C11orf21: variants seen among roughly 807,000 people sequenced by gnomAD.
C11orf21 encodes the protein chromosome 11 open reading frame 21, also known as uncharacterized protein C11orf21.
C11orf21 carries 19 observed loss-of-function variants against 15.2 expected under a neutral mutation model. The ratio of observed to expected loss-of-function variants is 1.25; its 90% confidence interval spans 0.87 to 1.84. The LOEUF (loss-of-function observed/expected upper bound fraction) is 1.84, where lower values mean the gene tolerates loss of function less well. Ranked by LOEUF, C11orf21 falls within the 40% of genes most tolerant of loss-of-function variation. The probability of loss-of-function intolerance (pLI) is 0.00; values close to 1 mark genes in which losing one functional copy is unlikely to be tolerated. For synonymous variants in C11orf21, 62 were observed against 66.8 expected, an observed-to-expected ratio of 0.93 and a Z score of 0.35; for missense variants, 171 against 174.4, an observed-to-expected ratio of 0.98 and a Z score of 0.11.
intron 3 of C11orf21, among the ~76,000 whole-genome samples, chr11:2,298,802 T>C (rs541769664): frequency 6.6e-6 from 1 of 152,080 alleles, no homozygotes; most frequent in East Asian, 1.9e-4. Context: ...GGGGTCCCTT[T>C]AGACTCCCCT....
chr11:2,301,812 T>A lies in C11orf21; in HGVS notation c.-4A>T, dbSNP rs766454315. 2.9e-5 allele frequency: 45 copies of A among 1,550,666 alleles called. No individual in the cohort carries two copies. The highest frequency in any genetic ancestry group is 3.8e-5 in the Non-Finnish European group (44 of 1,146,924). On this transcript the variant is annotated 5_prime_UTR_variant, in exon 1 of 4. In the 5' UTR this introduces an upstream ATG that the reference lacks. Coordinates refer to ENST00000381153, the MANE Select transcript of C11orf21 (RefSeq NM_001329958.2). ...TCCCACACCAGGTCCTGCCCATGAC[T>A]TTCCCCCTCTCAGCGCCGTCCTCAG...
chr11:2,301,726 A>T (rs2133276214), intron 1 of C11orf21, 30 bp downstream of exon 1: 1 of 1,532,738 alleles, frequency 6.5e-7, no homozygotes, highest in Non-Finnish European at 8.8e-7. Flanking sequence ...CCCAGTCCAC[A>T]CTTGCTCACT....
chr11:2,298,443 C>T (rs1847582012), intron 3 of C11orf21, among the ~76,000 whole-genome samples: 1 of 152,216 alleles, frequency 6.6e-6, no homozygotes, highest in Admixed American at 6.5e-5. Context: ...AGGAATGGGG[C>T]AGGAAGCTTC....
chr11:2,297,948 G>A (rs1847567597), intron 3 of C11orf21, 27 bp from the exon 4 acceptor site: 2 of 152,222 alleles, frequency 1.3e-5, no homozygotes, highest in African/African-American at 2.4e-5. Flanking sequence ...GAGAGAGAGA[G>A]AGAAGAGGGA....
chr11:2,299,855 CGCATCCATGCCTGCACAT>C, intron 2 of C11orf21, 148 bp from the exon 3 acceptor site: 4 of 809,060 alleles, frequency 4.9e-6, no homozygotes, highest in African/African-American at 1.7e-5. Flanking sequence ...CGCCTGCACA[CGCATCCATGCCTGCACAT>C]GCATCCACGC....
rs1771724633 is a variant in C11orf21, at chr11:2,295,977, C to T, written c.*1973G>A. On this transcript the variant is annotated 3_prime_UTR_variant, in exon 4 of 4. Coordinates refer to ENST00000381153, the MANE Select transcript of C11orf21 (RefSeq NM_001329958.2). This position sits in a 1 kb window ranked among gnomAD's most constrained non-coding sequence, Gnocchi z 5.4. Reference sequence around the variant, plus strand: ...GTGTCCGGGGATGCTTTGATTTGCCCCAGTGATCAGTAGTCATATCTGGAA... The same window carrying T: ...GTGTCCGGGGATGCTTTGATTTGCCTCAGTGATCAGTAGTCATATCTGGAA... 1.3e-5 allele frequency: 2 copies of T among 152,146 alleles called. No homozygotes were observed. The highest frequency in any genetic ancestry group is 4.8e-5 in the African/African-American group (2 of 41,422). The allele number at this position is 152,146 out of a possible 1,614,324, so 9.4% of individuals were successfully genotyped here. A position where few individuals can be genotyped will look rare whatever the true frequency, so the allele number is the denominator to read the frequency against.
Position 2,296,307 on chromosome 11 carries a change from C to T in C11orf21, c.*1643G>A, listed in dbSNP as rs1389389636. 1 of 152,222 alleles carries T rather than the reference C, an allele frequency of 6.6e-6. No individual in the cohort carries two copies. The highest frequency in any genetic ancestry group is 1.5e-5 in the Non-Finnish European group (1 of 68,064). The allele number at this position is 152,222 out of a possible 1,614,324, so 9.4% of individuals were successfully genotyped here. A position where few individuals can be genotyped will look rare whatever the true frequency, so the allele number is the denominator to read the frequency against. ...GGAACAAATGTGGGGGCTCTGCTGG[C>T]TGCCACATACGTCTGTTTACTCACC... On this transcript the variant is annotated 3_prime_UTR_variant, in exon 4 of 4. Coordinates refer to ENST00000381153, the MANE Select transcript of C11orf21 (RefSeq NM_001329958.2). This position sits in a 1 kb window ranked among gnomAD's most constrained non-coding sequence, Gnocchi z 5.6.
intron 3 of C11orf21, among the ~76,000 whole-genome samples, chr11:2,298,311 C>T (rs146498757): frequency 1.3e-5 from 2 of 152,304 alleles, no homozygotes; most frequent in Non-Finnish European, 2.9e-5. Flanking sequence ...AGGGGATGGG[C>T]GTTCACTTCT....
intron 3 of C11orf21, 108 bp downstream of exon 3, chr11:2,299,320 C>T (rs1050264717): frequency 7.4e-6 from 9 of 1,215,284 alleles, no homozygotes; most frequent in East Asian, 5.1e-5. Context: ...AGGCCCCACT[C>T]GCTGTGACGC....
At chr11:2,300,655 G>T (rs1315870021) in intron 1 of C11orf21, 42 bp from the exon 2 acceptor site, 1 of 1,549,954 alleles carries the variant, frequency 6.5e-7, no homozygotes, top group East Asian at 2.4e-5. Flanking sequence ...CAAGAACCCA[G>T]GCCCGCCCTG....
chr11:2,300,192 GGCAGGGGC>G (rs1389866901), intron 2 of C11orf21, among the ~76,000 whole-genome samples: 1 of 72,312 alleles, frequency 1.4e-5, no homozygotes, highest in African/African-American at 6.0e-5. Flanking sequence ...TGTGAGGTTG[GGCAGGGGC>G]GTGTGGGGTG....
At chr11:2,300,478 G>T (rs568368686) in intron 2 of C11orf21, 42 bp downstream of exon 2, 1 of 1,332,384 alleles carries the variant, frequency 7.5e-7, no homozygotes, top group Non-Finnish European at 1.0e-6. Flanking sequence ...CCGGCTCCCT[G>T]CCCCCGCTGG....
chr11:2,302,064 C>T, upstream of C11orf21: 1 of 1,495,360 alleles, frequency 6.7e-7, no homozygotes, highest in Non-Finnish European at 8.9e-7. Flanking sequence ...ACCTCCTGGG[C>T]AGTGAGCTGC....
At chr11:2,303,068 G>A, upstream of C11orf21, 1 of 1,006,746 alleles carries the variant, frequency 9.9e-7, no homozygotes. Flanking sequence ...GCCCTAGGCA[G>A]GAGCCAGAGG....
intron 2 of C11orf21, 144 bp from the exon 3 acceptor site, chr11:2,299,851 C>T (rs1847637608): frequency 3.3e-6 from 2 of 614,494 alleles, no homozygotes; most frequent in African/African-American, 1.8e-5. Context: ...TCCACGCCTG[C>T]ACACGCATCC....
upstream of C11orf21, chr11:2,302,365 T>C: frequency 2.2e-6 from 2 of 908,120 alleles, no homozygotes; most frequent in Non-Finnish European, 3.0e-6. Context: ...TGTCCTGCCC[T>C]TGCAGACAGC....
intron 2 of C11orf21, 143 bp downstream of exon 2, chr11:2,300,377 C>T: frequency 1.6e-6 from 1 of 627,830 alleles, no homozygotes; most frequent in Non-Finnish European, 2.8e-6. Context: ...CAGCAGCCTG[C>T]ACAGTGGCTT....
upstream of C11orf21, chr11:2,302,858 T>G (rs543107439): frequency 3.7e-6 from 6 of 1,613,570 alleles, no homozygotes; most frequent in East Asian, 1.3e-4. Context: ...TGGGCCTCTC[T>G]GTGGCCACCA....
intron 2 of C11orf21, among the ~76,000 whole-genome samples, chr11:2,300,054 G>A (rs12224967): frequency 0.34 from 45,337 of 133,254 alleles, 9,332 homozygotes; most frequent in East Asian, 0.73. Flanking sequence ...CCCAGCGGCC[G>A]GCACCACCTC....
Sources: gnomAD v4.1 joint callset for allele counts (sites outside exome capture counted in the v4.1 genomes callset) on GRCh38, gnomAD v4.1.1 for gene constraint, Gnocchi (gnomAD v3.1) non-coding constraint, MANE v1.5 for transcripts, NCBI Gene and HGNC (gene_info 2026-07-23, HGNC 2026-07-21) for gene names.